STOX2: variants seen among roughly 807,000 people sequenced by gnomAD.
STOX2 encodes the protein storkhead-box protein 2.
In STOX2, 28 loss-of-function variants were observed where a neutral mutation model predicts 60.9. The ratio of observed to expected loss-of-function variants is 0.46; its 90% confidence interval spans 0.34 to 0.63. The LOEUF is 0.63. STOX2 is among the 30% of genes least tolerant of loss of function. The probability of loss-of-function intolerance (pLI) is 0.01; values close to 1 mark genes in which losing one functional copy is unlikely to be tolerated. For synonymous variants in STOX2, 472 were observed against 463.9 expected (o/e 1.02, Z -0.22); for missense variants, 1,024 against 1,187.7 (o/e 0.86, Z 2.03).
intron 1 of STOX2, among the ~76,000 whole-genome samples, chr4:183,963,416 TA>T (rs766494713): frequency 1.2e-4 from 18 of 152,142 alleles, no homozygotes; most frequent in Middle Eastern, 3.2e-3. Context: ...AAAAATGTTA[TA>T]TTTTTTTTCT....
intron 1 of STOX2, among the ~76,000 whole-genome samples, chr4:183,992,974 C>T (rs1733175135): frequency 6.6e-6 from 1 of 152,214 alleles, no homozygotes; most frequent in Non-Finnish European, 1.5e-5. Context: ...TCCCAGGGCT[C>T]ATATTCCATC....
chr4:183,807,891 C>G (rs1738943249), intron 1 of STOX2, among the ~76,000 whole-genome samples: 1 of 152,190 alleles, frequency 6.6e-6, no homozygotes. Context: ...CAGCGGAAGG[C>G]TCTTGCTGGG....
At chr4:183,910,114 T>C (rs1039551400) in intron 1 of STOX2, among the ~76,000 whole-genome samples, 1 of 152,222 alleles carries the variant, frequency 6.6e-6, no homozygotes, top group Admixed American at 6.5e-5. Flanking sequence ...TCTTGAATAT[T>C]AATTTCCCAG....
At chr4:183,808,506 C>G (rs1218405153) in intron 1 of STOX2, among the ~76,000 whole-genome samples, 2 of 152,196 alleles carry the variant, frequency 1.3e-5, no homozygotes, top group African/African-American at 4.8e-5. Flanking sequence ...TCATCAGAGC[C>G]TGGTTATTAA....
At chr4:183,842,181 G>A (rs1739877809) in intron 1 of STOX2, among the ~76,000 whole-genome samples, 1 of 152,168 alleles carries the variant, frequency 6.6e-6, no homozygotes. Flanking sequence ...GGCTGCCCCA[G>A]GCATTCAGCA....
chr4:183,951,015 A>G (rs1288037711), intron 1 of STOX2, among the ~76,000 whole-genome samples: 1 of 151,932 alleles, frequency 6.6e-6, no homozygotes. Flanking sequence ...GGAGATCGAG[A>G]CCATCCTGGC....
At chr4:183,941,502 A>T (rs1742752979) in intron 1 of STOX2, among the ~76,000 whole-genome samples, 1 of 152,224 alleles carries the variant, frequency 6.6e-6, no homozygotes, top group Non-Finnish European at 1.5e-5. Flanking sequence ...CGGGAGGCAG[A>T]GGCTGCAGTG....
intron 1 of STOX2, among the ~76,000 whole-genome samples, chr4:183,997,617 G>A (rs553401557): frequency 3.3e-5 from 5 of 152,340 alleles, no homozygotes; most frequent in South Asian, 2.1e-4. Flanking sequence ...GGTGAGAGAT[G>A]ATGGCAGTTT....
chr4:183,975,080 T>G (rs1206706750), intron 1 of STOX2, among the ~76,000 whole-genome samples: 3 of 152,152 alleles, frequency 2.0e-5, no homozygotes, highest in Admixed American at 2.0e-4. Flanking sequence ...TTAAACAACC[T>G]ACTTCTAAGT....
chr4:183,977,554 T>TGTGTGTGTGTGTGTGTGC, intron 1 of STOX2, among the ~76,000 whole-genome samples: 1 of 152,198 alleles, frequency 6.6e-6, no homozygotes, highest in African/African-American at 2.4e-5. Flanking sequence ...TTCGTGTGTG[T>TGTGTGTGTGTGTGTGTGC]GTGTGTGTGT....
intron 1 of STOX2, among the ~76,000 whole-genome samples, chr4:183,911,750 T>G (rs1560877820): frequency 1.3e-5 from 2 of 152,234 alleles, no homozygotes; most frequent in African/African-American, 4.8e-5. Context: ...GGTACACGGT[T>G]GCTTAGGCTG....
Position 184,010,674 on chromosome 4 carries a change from G to A in STOX2, c.1836G>A (p.Thr612=), listed in dbSNP as rs112656689. ...ACACCTCTAGTGAGACGGTGCTCAC[G>A]GCACCATCACCTCTGGGAAAGAATA... ...QCNTSSETVL[T]APSPLGKNKE... The change falls in exon 3 of 4, where the codon ACG becomes ACA. Residue 612 remains threonine (T), a synonymous_variant. Coordinates refer to ENST00000308497, the MANE Select transcript of STOX2 (RefSeq NM_020225.3). The surrounding 1 kb of genome is among the most constrained non-coding windows in gnomAD (Gnocchi z 4.5). The A allele has an allele frequency of 1.2e-4, 194 of 1,613,698 alleles. 1 individual carries two copies. In the South Asian group the frequency reaches 1.8e-3, roughly 15 times the overall value.
intron 1 of STOX2, among the ~76,000 whole-genome samples, chr4:183,931,695 T>C (rs1742429201): frequency 6.6e-6 from 1 of 152,116 alleles, no homozygotes; most frequent in African/African-American, 2.4e-5. Context: ...AAGTGCCTTG[T>C]AGGTTGGATG....
chr4:183,919,890 C>A (rs1742049126), intron 1 of STOX2, among the ~76,000 whole-genome samples: 1 of 152,110 alleles, frequency 6.6e-6, no homozygotes, highest in Non-Finnish European at 1.5e-5. Context: ...GGACATGAGC[C>A]ACTGGACCTG....
At chr4:183,998,133 T>G (rs990897421) in intron 1 of STOX2, among the ~76,000 whole-genome samples, 3 of 152,222 alleles carry the variant, frequency 2.0e-5, no homozygotes, top group African/African-American at 7.2e-5. Context: ...TTAGTATTTT[T>G]GTATCTTTCA....
chr4:183,909,366 AG>A (rs1385817759), intron 1 of STOX2, among the ~76,000 whole-genome samples: 1 of 152,276 alleles, frequency 6.6e-6, no homozygotes, highest in African/African-American at 2.4e-5. Context: ...AATATTGAGT[AG>A]AAAATGAAAC....
intron 1 of STOX2, among the ~76,000 whole-genome samples, chr4:183,937,221 A>G (rs1742614295): frequency 6.6e-6 from 1 of 152,206 alleles, no homozygotes; most frequent in Non-Finnish European, 1.5e-5. Context: ...TTCAAAACAC[A>G]TTGAGGCTCT....
At chr4:183,951,595 C>T (rs953777081) in intron 1 of STOX2, among the ~76,000 whole-genome samples, 1 of 150,846 alleles carries the variant, frequency 6.6e-6, no homozygotes. Flanking sequence ...GGATTACAGG[C>T]GTGAGCCGCT....
At chr4:183,884,709 T>C (rs905818992) in intron 1 of STOX2, among the ~76,000 whole-genome samples, 3 of 152,156 alleles carry the variant, frequency 2.0e-5, no homozygotes, top group African/African-American at 7.2e-5. Context: ...TGGCGTGACA[T>C]TTTGTGCTGC....
Sources: gnomAD v4.1 joint callset for allele counts (sites outside exome capture counted in the v4.1 genomes callset) on GRCh38, gnomAD v4.1.1 for gene constraint, Gnocchi (gnomAD v3.1) non-coding constraint, MANE v1.5 for transcripts, NCBI Gene and HGNC (gene_info 2026-07-23, HGNC 2026-07-21) for gene names.